The following C1orf21 variants were observed in gnomAD, a reference collection of about 807,000 sequenced individuals.
The protein encoded by C1orf21 is chromosome 1 open reading frame 21, also known as uncharacterized protein C1orf21.
In C1orf21, 3 loss-of-function variants were observed where a neutral mutation model predicts 18.7. The ratio of observed to expected loss-of-function variants is 0.16; its 90% confidence interval spans 0.07 to 0.42. The LOEUF is 0.42. Among genes scored for constraint, C1orf21 ranks in the 10% least tolerant of loss-of-function variants. C1orf21 has a pLI of 0.99. For missense variants in C1orf21, 104 were observed against 143.6 expected (o/e 0.72, Z 1.41); for synonymous variants, 41 against 46.4 (o/e 0.88, Z 0.47).
intron 1 of C1orf21, among the ~76,000 whole-genome samples, chr1:184,472,484 T>C (rs1657509553): frequency 6.6e-6 from 1 of 152,218 alleles, no homozygotes; most frequent in South Asian, 2.1e-4. Flanking sequence ...TTGCCTTTTG[T>C]ATCCAAAATG....
chr1:184,598,340 T>C, intron 4 of C1orf21, 61 bp from the exon 5 acceptor site: 1 of 1,514,450 alleles, frequency 6.6e-7, no homozygotes, highest in Non-Finnish European at 9.0e-7. Flanking sequence ...CATTTTTCCT[T>C]TGAGGGGACC....
At position 184,624,198 on chromosome 1, in the gene C1orf21, G is replaced by C. The variant is rs1187334034; in HGVS notation, c.*4642G>C. 1 of 152,560 alleles carries C rather than the reference G, an allele frequency of 6.6e-6. No homozygotes were observed. Among genetic ancestry groups the C allele is most frequent in the East Asian group, 1.9e-4 (1 of 5,186 alleles). The allele number at this position is 152,560 out of a possible 1,614,324, so 9.5% of individuals were successfully genotyped here. ...AACACTGTGAAAACAACCCCTGGGG[G>C]CATCTGCCTTCCAGAATCTCTCTCT... On this transcript the variant is annotated 3_prime_UTR_variant, in exon 6 of 6. Transcript: ENST00000235307.
intron 3 of C1orf21, among the ~76,000 whole-genome samples, chr1:184,517,990 A>T (rs1658254459): frequency 6.6e-6 from 1 of 152,176 alleles, no homozygotes; most frequent in Non-Finnish European, 1.5e-5. Context: ...TTAAGGGAAT[A>T]ACCTTACTCG....
At chr1:184,601,861 A>G (rs1026006037) in intron 5 of C1orf21, among the ~76,000 whole-genome samples, 1 of 152,046 alleles carries the variant, frequency 6.6e-6, no homozygotes, top group Non-Finnish European at 1.5e-5. Flanking sequence ...AGATCCTGCC[A>G]CTGCACTCCA....
chr1:184,546,054 A>G (rs1419650520), intron 3 of C1orf21: 1 of 152,258 alleles, frequency 6.6e-6, no homozygotes, highest in African/African-American at 2.4e-5. Flanking sequence ...TAAATCTGCT[A>G]GACACCTCCA....
intron 2 of C1orf21, among the ~76,000 whole-genome samples, chr1:184,481,367 G>C (rs1204453476): frequency 2.0e-5 from 3 of 152,128 alleles, no homozygotes; most frequent in African/African-American, 7.2e-5. Context: ...TTTCACAGAA[G>C]GGCAAGTGTG....
chr1:184,505,829 A>G (rs1258697915), intron 2 of C1orf21, among the ~76,000 whole-genome samples: 1 of 152,022 alleles, frequency 6.6e-6, no homozygotes, highest in East Asian at 1.9e-4. Flanking sequence ...TATAAATATT[A>G]ATGTCCCAAA....
Position 184,500,992 on chromosome 1 carries a change from G to T in C1orf21, c.95-6596G>T, listed in dbSNP as rs1657968135. ...CTTCCCCATGTGTTCTTCCTCACCTGCCTCAACAGACTGGTCCATCTCAGG... is the reference window on the plus strand; with the variant it reads ...CTTCCCCATGTGTTCTTCCTCACCTTCCTCAACAGACTGGTCCATCTCAGG... On this transcript the variant is annotated intron_variant, in intron 2 of 5. Transcript: ENST00000235307. Among the ~76,000 whole-genome samples, 3 of 152,284 alleles carry T rather than the reference G, an allele frequency of 2.0e-5. No individual in the cohort carries two copies. The South Asian group carries it at 6.2e-4, about 32-fold the overall frequency.
intron 4 of C1orf21, chr1:184,592,379 C>T (rs773602981): frequency 3.9e-5 from 6 of 151,940 alleles, no homozygotes; most frequent in South Asian, 2.1e-4. Flanking sequence ...ATGACTATCC[C>T]GAAATGTTTC....
intron 2 of C1orf21, among the ~76,000 whole-genome samples, chr1:184,483,839 A>G (rs1004081536): frequency 6.7e-6 from 1 of 148,602 alleles, no homozygotes; most frequent in African/African-American, 2.5e-5. Flanking sequence ...AATAAATCCC[A>G]AATCCTTAGT....
intron 1 of C1orf21, among the ~76,000 whole-genome samples, chr1:184,403,902 G>A (rs375363351): frequency 2.0e-5 from 3 of 152,242 alleles, no homozygotes; most frequent in South Asian, 4.1e-4. Context: ...GTAGAGTCAT[G>A]GGTACTTTAA....
intron 3 of C1orf21, among the ~76,000 whole-genome samples, chr1:184,561,866 A>C (rs4651220): frequency 0.38 from 57,435 of 151,864 alleles, 11,705 homozygotes; most frequent in African/African-American, 0.53. Context: ...AACTCCTGAC[A>C]TCATGATCCG....
At chr1:184,540,569 A>G (rs987065607) in intron 3 of C1orf21, among the ~76,000 whole-genome samples, 1 of 152,090 alleles carries the variant, frequency 6.6e-6, no homozygotes, top group African/African-American at 2.4e-5. Context: ...ACCTGGGACT[A>G]CAGGTGCATG....
chr1:184,547,437 T>TGG, intron 3 of C1orf21, among the ~76,000 whole-genome samples: 1 of 150,476 alleles, frequency 6.6e-6, no homozygotes. Flanking sequence ...TTTTTTTTTT[T>TGG]TTTGGTCTCT....
At chr1:184,589,131 T>G (rs1385774915) in intron 3 of C1orf21, among the ~76,000 whole-genome samples, 1 of 152,250 alleles carries the variant, frequency 6.6e-6, no homozygotes, top group African/African-American at 2.4e-5. Flanking sequence ...TCAGCAATGT[T>G]TAAAATTACA....
intron 3 of C1orf21, among the ~76,000 whole-genome samples, chr1:184,538,012 AT>A: frequency 6.6e-6 from 1 of 152,230 alleles, no homozygotes; most frequent in African/African-American, 2.4e-5. Flanking sequence ...TGGAAGTTTG[AT>A]TTTTAATGTT....
At chr1:184,391,675 C>G (rs1052325636) in intron 1 of C1orf21, among the ~76,000 whole-genome samples, 8 of 152,110 alleles carry the variant, frequency 5.3e-5, no homozygotes, top group Non-Finnish European at 1.5e-5. Flanking sequence ...AGGAAACATA[C>G]CAAGCATGAT....
intron 2 of C1orf21, among the ~76,000 whole-genome samples, chr1:184,489,898 G>T (rs1657792343): frequency 6.6e-6 from 1 of 152,166 alleles, no homozygotes; most frequent in African/African-American, 2.4e-5. Flanking sequence ...TTTCTTCTTT[G>T]TATTTTTCTG....
chr1:184,497,502 C>T (rs1657910442), intron 2 of C1orf21, among the ~76,000 whole-genome samples: 1 of 152,230 alleles, frequency 6.6e-6, no homozygotes, highest in South Asian at 2.1e-4. Flanking sequence ...CTCCCACCAG[C>T]TTTCAGGGGG....
Sources: allele counts gnomAD v4.1 joint callset (sites outside exome capture counted in the v4.1 genomes callset), GRCh38; gene constraint gnomAD v4.1.1; transcripts MANE v1.5; gene names NCBI Gene and HGNC (gene_info 2026-07-23, HGNC 2026-07-21).